UGT1A3: variants seen among roughly 807,000 people sequenced by gnomAD.
UGT1A3 encodes UDP-glucuronosyltransferase 1A3.
UGT1A3 carries 31 observed loss-of-function variants against 41.0 expected under a neutral mutation model. The observed-to-expected ratio is 0.76, with a 90% CI of 0.57 to 1.02. The LOEUF (loss-of-function observed/expected upper bound fraction) is 1.02, where lower values mean the gene tolerates loss of function less well. UGT1A3 is among the 50% of genes least tolerant of loss of function. The probability of loss-of-function intolerance (pLI) is 0.00; values close to 1 mark genes in which losing one functional copy is unlikely to be tolerated. For missense variants in UGT1A3, 737 were observed against 671.0 expected, an observed-to-expected ratio of 1.10 and a Z score of -1.09; for synonymous variants, 262 against 257.6, an observed-to-expected ratio of 1.02 and a Z score of -0.17.
chr2:233,734,202 G>T (rs1345683418), intron 1 of UGT1A3, among the ~76,000 whole-genome samples: 1 of 152,060 alleles, frequency 6.6e-6, no homozygotes, highest in Non-Finnish European at 1.5e-5. Context: ...CAATTTCAGA[G>T]CCTGTTGTTG....
At chr2:233,759,467 C>T (rs1000519909) in intron 1 of UGT1A3, among the ~76,000 whole-genome samples, 1 of 152,186 alleles carries the variant, frequency 6.6e-6, no homozygotes, top group Non-Finnish European at 1.5e-5. Flanking sequence ...CACTCAAGAT[C>T]TATCTTACAG....
intron 1 of UGT1A3, among the ~76,000 whole-genome samples, chr2:233,735,199 T>C (rs2078621377): frequency 6.6e-6 from 1 of 152,232 alleles, no homozygotes; most frequent in Non-Finnish European, 1.5e-5. Flanking sequence ...TAGGTGCTCC[T>C]GTATTGGGTG....
intron 1 of UGT1A3, among the ~76,000 whole-genome samples, chr2:233,749,662 A>G (rs1433200566): frequency 2.0e-5 from 3 of 151,858 alleles, no homozygotes; most frequent in African/African-American, 7.3e-5. Flanking sequence ...TGTAATCCCC[A>G]TAATCCCCAC....
chr2:233,737,006 T>G (rs924545231), intron 1 of UGT1A3, among the ~76,000 whole-genome samples: 1 of 152,144 alleles, frequency 6.6e-6, no homozygotes, highest in African/African-American at 2.4e-5. Flanking sequence ...GGGACCCGCT[T>G]GAGGAGGCAG....
At chr2:233,767,191 C>T (rs1476411384) in intron 2 of UGT1A3, 26 bp downstream of exon 2, 2 of 1,613,814 alleles carry the variant, frequency 1.2e-6, no homozygotes, top group Non-Finnish European at 1.7e-6. Context: ...ACCATGGCCT[C>T]ATATCTATTT....
intron 1 of UGT1A3, among the ~76,000 whole-genome samples, chr2:233,745,202 AGAT>A (rs1693037434): frequency 6.6e-6 from 1 of 151,858 alleles, no homozygotes; most frequent in Admixed American, 6.5e-5. Flanking sequence ...ACAACCAGGG[AGAT>A]CCTCTCAGAC....
rs1700239746 is a variant in UGT1A3, at chr2:233,771,113, A to C, written c.1308-1149A>C. The C allele has an allele frequency of 2.0e-5, 3 of 152,176 alleles. No homozygotes were observed. The South Asian group carries it at 6.2e-4, about 32-fold the overall frequency. The allele number at this position is 152,176 out of a possible 1,614,324, so 9.4% of individuals were successfully genotyped here. A position where few individuals can be genotyped will look rare whatever the true frequency, so the allele number is the denominator to read the frequency against. ...TATCAGGAAGACAGCACTAAAGCAC[A>C]AGGGATCCGACCCCATGATCCAAAC... is the stretch of plus-strand genomic sequence containing the variant. On this transcript the variant is annotated intron_variant, in intron 4 of 4. Transcript: ENST00000482026.
rs766058550 is a variant in UGT1A3, at chr2:233,767,176, T to C, written c.999+11T>C. 2 of 1,614,040 alleles carry C rather than the reference T, an allele frequency of 1.2e-6. No individual in the cohort carries two copies. Among genetic ancestry groups the C allele is most frequent in the Admixed American group, 1.7e-5 (1 of 60,022 alleles). Reference sequence around the variant, plus strand: ...AAAATCCCTCAGACAGTAAGAAGATTCTATACCATGGCCTCATATCTATTT... The same window carrying C: ...AAAATCCCTCAGACAGTAAGAAGATCCTATACCATGGCCTCATATCTATTT... On this transcript the variant is annotated intron_variant, in intron 2 of 4. Coordinates refer to ENST00000482026, the MANE Select transcript of UGT1A3 (RefSeq NM_019093.4).
chr2:233,762,557 A>G (rs1283920878), intron 1 of UGT1A3, among the ~76,000 whole-genome samples: 3 of 152,170 alleles, frequency 2.0e-5, no homozygotes. Flanking sequence ...TCTGCTGGAG[A>G]TCTAGTCTAG....
rs533404227 is a variant in UGT1A3, at chr2:233,760,412, G to A, written c.868-6622G>A. 5.0e-6 allele frequency: 8 copies of A among 1,614,222 alleles called. No homozygotes were observed. The African/African-American group carries it at 1.1e-4, about 22-fold the overall frequency. Reference sequence around the variant, plus strand: ...CCAGTGGATGGCAGCCACTGGCTGAGCATGCTTGGGGCCATCCAGCAGCTG... The same window carrying A: ...CCAGTGGATGGCAGCCACTGGCTGAACATGCTTGGGGCCATCCAGCAGCTG... On this transcript the variant is annotated intron_variant, in intron 1 of 4. Transcript: ENST00000482026.
intron 1 of UGT1A3, chr2:233,742,723 T>C (rs17863795): frequency 0.037 from 5,611 of 152,966 alleles, 153 homozygotes; most frequent in Non-Finnish European, 0.057. Context: ...CTCAGTGATA[T>C]GGGATTCAAA....
At chr2:233,742,247 A>G (rs748626852) in intron 1 of UGT1A3, among the ~76,000 whole-genome samples, 6 of 152,004 alleles carry the variant, frequency 3.9e-5, no homozygotes, top group Non-Finnish European at 7.3e-5. Context: ...ATTTACCCAC[A>G]TATTTATTGA....
intron 1 of UGT1A3, among the ~76,000 whole-genome samples, chr2:233,746,488 T>C (rs978125229): frequency 6.6e-6 from 1 of 151,814 alleles, no homozygotes; most frequent in Non-Finnish European, 1.5e-5. Context: ...TCCATGGACA[T>C]GTCACTCTTT....
chr2:233,741,489 A>G (rs1390991788), intron 1 of UGT1A3: 2 of 151,928 alleles, frequency 1.3e-5, no homozygotes, highest in African/African-American at 4.9e-5. Flanking sequence ...TCTGATGTAC[A>G]AAAAACTGAA....
intron 1 of UGT1A3, chr2:233,760,991 C>T (rs1247729976): frequency 1.2e-6 from 2 of 1,614,072 alleles, no homozygotes; most frequent in Non-Finnish European, 1.7e-6. Flanking sequence ...ACCCTTGCCT[C>T]AGAATTCCTT....
At chr2:233,749,911 T>C (rs1694301835) in intron 1 of UGT1A3, among the ~76,000 whole-genome samples, 2 of 151,950 alleles carry the variant, frequency 1.3e-5, no homozygotes, top group Non-Finnish European at 2.9e-5. Flanking sequence ...CACCTGGAAC[T>C]GTGAGTCAAT....
chr2:233,755,339 G>A (rs2125934548), intron 1 of UGT1A3: 7 of 431,136 alleles, frequency 1.6e-5, no homozygotes, highest in South Asian at 1.2e-4. Flanking sequence ...CCGCGCACAG[G>A]TCAGAGGCTT....
chr2:233,761,518 T>G (rs780967719), intron 1 of UGT1A3, among the ~76,000 whole-genome samples: 1 of 152,242 alleles, frequency 6.6e-6, no homozygotes, highest in Non-Finnish European at 1.5e-5. Flanking sequence ...GCAGGCAATG[T>G]TCAGGACTGA....
intron 1 of UGT1A3, among the ~76,000 whole-genome samples, chr2:233,744,652 A>G (rs754395729): frequency 1.6e-4 from 24 of 151,892 alleles, no homozygotes; most frequent in Non-Finnish European, 2.8e-4. Flanking sequence ...TCTGTATTCA[A>G]TCTACTGTGA....
Sources: allele counts gnomAD v4.1 joint callset (sites outside exome capture counted in the v4.1 genomes callset), GRCh38; gene constraint gnomAD v4.1.1; transcripts MANE v1.5; gene names NCBI Gene and HGNC (gene_info 2026-07-23, HGNC 2026-07-21).